Variants in TAPT1 observed in about 807,000 individuals in gnomAD.
TAPT1 encodes the protein transmembrane anterior posterior transformation protein 1 homolog.
A neutral mutation model predicts 65.6 loss-of-function variants in TAPT1; 28 were observed. The ratio of observed to expected loss-of-function variants is 0.43; its 90% CI spans 0.32 to 0.59. The LOEUF is 0.59. Ranked by LOEUF, TAPT1 falls within the 20% of genes least tolerant of loss-of-function variation. The pLI, the probability that TAPT1 is intolerant of heterozygous loss-of-function variation, is 0.09. For missense variants in TAPT1, 563 were observed against 679.9 expected (o/e 0.83, Z 1.91); for synonymous variants, 278 against 245.2 (o/e 1.13, Z -1.25).
chr4:16,161,346 T>C lies in TAPT1; in HGVS notation c.*1962A>G, dbSNP rs1747231656. 2.6e-5 allele frequency: 4 copies of C among 152,652 alleles called. No homozygotes were observed. Among genetic ancestry groups the C allele is most frequent in the Admixed American group, 6.5e-5 (1 of 15,284 alleles). 9.5% of individuals were successfully genotyped at this position (152,652 alleles called of 1,614,324 possible). A position where few individuals can be genotyped will look rare whatever the true frequency, so the allele number is the denominator to read the frequency against. On this transcript the variant is annotated 3_prime_UTR_variant, in exon 14 of 14. Coordinates refer to ENST00000405303, the MANE Select transcript of TAPT1 (RefSeq NM_153365.3). The stretch of plus-strand genomic sequence containing the variant: ...TTGAGATTCACACAAGATGCACTTA[T>C]AAAATTAGTACTGAATGCCATTAAA...
intron 2 of TAPT1, 114 bp from the exon 3 acceptor site, chr4:16,202,694 T>A: frequency 1.7e-6 from 1 of 582,118 alleles, no homozygotes; most frequent in Non-Finnish European, 3.0e-6. Flanking sequence ...TTCTTAAAAC[T>A]TAGCCCTGGG....
intron 13 of TAPT1, 69 bp from the exon 14 acceptor site, chr4:16,163,606 C>A: frequency 7.7e-7 from 1 of 1,293,810 alleles, no homozygotes; most frequent in Non-Finnish European, 1.1e-6. Flanking sequence ...ACAAACTTAC[C>A]AATACAGTGG....
chr4:16,225,786 C>T (rs1751513949), intron 1 of TAPT1: 2 of 655,640 alleles, frequency 3.1e-6, no homozygotes, highest in South Asian at 1.4e-4. Flanking sequence ...ACCACACCGT[C>T]AGCTGTCTGT....
At chr4:16,227,202 G>T (rs929775418), upstream of TAPT1, 2 of 455,580 alleles carry the variant, frequency 4.4e-6, no homozygotes, top group African/African-American at 4.0e-5. Context: ...GGGAGGGGCC[G>T]CGGCCGGACC....
chr4:16,174,765 A>T, intron 9 of TAPT1, 36 bp from the exon 10 acceptor site: 1 of 1,414,264 alleles, frequency 7.1e-7, no homozygotes, highest in South Asian at 1.4e-5. Flanking sequence ...CAAGTAATAC[A>T]GTAAAAATAT....
intron 1 of TAPT1, among the ~76,000 whole-genome samples, chr4:16,218,083 A>T (rs1413709108): frequency 6.6e-6 from 1 of 152,234 alleles, no homozygotes; most frequent in Non-Finnish European, 1.5e-5. Flanking sequence ...AATCATTTTC[A>T]ATTTTAAAAA....
chr4:16,208,314 G>A (rs896532678), intron 2 of TAPT1, among the ~76,000 whole-genome samples: 2 of 152,106 alleles, frequency 1.3e-5, no homozygotes, highest in African/African-American at 2.4e-5. Flanking sequence ...AAGCTCTGAC[G>A]GATGGCTAAC....
chr4:16,178,667 C>A (rs1298997568), intron 8 of TAPT1, among the ~76,000 whole-genome samples: 2 of 152,184 alleles, frequency 1.3e-5, no homozygotes, highest in Non-Finnish European at 2.9e-5. Flanking sequence ...GTCCTTGTGC[C>A]TAGAAACTAG....
chr4:16,177,911 G>T (rs143109484), intron 8 of TAPT1, among the ~76,000 whole-genome samples: 1 of 151,956 alleles, frequency 6.6e-6, no homozygotes, highest in African/African-American at 2.4e-5. Flanking sequence ...AAAAGCAAGT[G>T]CTCCATTTAT....
chr4:16,191,307 G>T, intron 4 of TAPT1, 54 bp downstream of exon 4: 1 of 1,529,016 alleles, frequency 6.5e-7, no homozygotes, highest in South Asian at 1.2e-5. Flanking sequence ...CAGAACTGAA[G>T]ACTTGAAGCT....
intron 1 of TAPT1, among the ~76,000 whole-genome samples, chr4:16,219,686 T>G (rs1367321115): frequency 2.0e-5 from 3 of 152,194 alleles, no homozygotes; most frequent in Non-Finnish European, 4.4e-5. Flanking sequence ...ATAAGGCAGT[T>G]TACAAAGGTC....
At chr4:16,174,640 T>A in intron 10 of TAPT1, 30 bp downstream of exon 10, 2 of 1,553,138 alleles carry the variant, frequency 1.3e-6, no homozygotes, top group Non-Finnish European at 1.7e-6. Context: ...CCTTTGTTAA[T>A]TTCAGACTAC....
chr4:16,176,090 A>G (rs1264271053), intron 9 of TAPT1, 29 bp downstream of exon 9: 7 of 1,111,344 alleles, frequency 6.3e-6, no homozygotes, highest in Non-Finnish European at 9.0e-6. Flanking sequence ...GTAAACTTTA[A>G]ACATTGAAGT....
chr4:16,193,769 T>C (rs1351580264), intron 3 of TAPT1, among the ~76,000 whole-genome samples: 1 of 152,046 alleles, frequency 6.6e-6, no homozygotes, highest in African/African-American at 2.4e-5. Flanking sequence ...CTCAGAAGAG[T>C]AGCACAGCTC....
At chr4:16,197,490 T>C (rs1749781113) in intron 3 of TAPT1, among the ~76,000 whole-genome samples, 2 of 152,198 alleles carry the variant, frequency 1.3e-5, no homozygotes, top group Admixed American at 1.3e-4. Flanking sequence ...CAAAACGAAG[T>C]CACAAATTTC....
At chr4:16,222,295 T>C (rs1435100126) in intron 1 of TAPT1, among the ~76,000 whole-genome samples, 1 of 152,204 alleles carries the variant, frequency 6.6e-6, no homozygotes, top group Non-Finnish European at 1.5e-5. Flanking sequence ...TAACTTTTCA[T>C]TGTTCGTTTG....
chr4:16,210,014 T>C (rs917599673), intron 2 of TAPT1, among the ~76,000 whole-genome samples: 8 of 152,178 alleles, frequency 5.3e-5, no homozygotes, highest in Admixed American at 5.2e-4. Flanking sequence ...GCACCCTGTT[T>C]CTGTTATAAC....
At chr4:16,190,557 T>C (rs1227496313) in intron 4 of TAPT1, 1 of 152,514 alleles carries the variant, frequency 6.6e-6, no homozygotes, top group Admixed American at 6.5e-5. Flanking sequence ...CAGTCTGGTC[T>C]TGGACTCCTG....
intron 11 of TAPT1, 145 bp from the exon 12 acceptor site, chr4:16,170,874 A>G: frequency 1.6e-6 from 1 of 624,422 alleles, no homozygotes; most frequent in South Asian, 2.3e-5. Context: ...AAATCCAAGA[A>G]GGCAGATTTG....
Sources: allele counts gnomAD v4.1 joint callset (sites outside exome capture counted in the v4.1 genomes callset), GRCh38; gene constraint gnomAD v4.1.1; transcripts MANE v1.5; gene names NCBI Gene and HGNC (gene_info 2026-07-23, HGNC 2026-07-21).